The following GPM6B variants were observed in gnomAD, a reference collection of about 807,000 sequenced individuals.
The protein encoded by GPM6B is glycoprotein M6B.
GPM6B carries 4 observed loss-of-function variants against 27.2 expected under a neutral mutation model. The observed-to-expected ratio is 0.15, with a 90% CI of 0.07 to 0.34. The LOEUF (loss-of-function observed/expected upper bound fraction) is 0.34, where lower values mean the gene tolerates loss of function less well. Among genes scored for constraint, GPM6B ranks in the 10% least tolerant of loss-of-function variants. The pLI, the probability that GPM6B is intolerant of heterozygous loss-of-function variation, is 1.00. For synonymous variants in GPM6B, 124 were observed against 103.1 expected, an observed-to-expected ratio of 1.20 and a Z score of -1.23; for missense variants, 183 against 261.9, an observed-to-expected ratio of 0.70 and a Z score of 2.08.
intron 1 of GPM6B, among the ~76,000 whole-genome samples, chrX:13,916,318 A>C (rs967890117): frequency 8.9e-6 from 1 of 112,222 alleles, no homozygotes; most frequent in African/African-American, 3.2e-5. Context: ...ATGGATATCT[A>C]AACAGAAAGA....
chrX:13,865,138 A>C (rs1378686156), intron 1 of GPM6B, among the ~76,000 whole-genome samples: 2 of 111,343 alleles, frequency 1.8e-5, no homozygotes, highest in East Asian at 5.6e-4. Flanking sequence ...TGTATGTGAT[A>C]AATGTGGCAA....
chrX:13,811,273 CTTGT>C (rs1206445624), intron 1 of GPM6B, among the ~76,000 whole-genome samples: 3 of 112,081 alleles, frequency 2.7e-5, no homozygotes, highest in African/African-American at 6.5e-5. Context: ...AAAACAATGC[CTTGT>C]TTATTTTTCC....
At position 13,823,985 on chromosome X, in the gene GPM6B, C is replaced by T. The variant is rs181109855; in HGVS notation, c.-197-38177G>A. On this transcript the variant is annotated intron_variant, in intron 1 of 6. Transcript: ENST00000398361. ...CGGCATGAGGGGGCATGTGCCTCCT[C>T]AGCACTGGTGTCTACTGCATCTGTC... 2.7e-5 allele frequency among the ~76,000 whole-genome samples: 3 copies of T among 112,509 alleles called. No homozygotes were observed. In the East Asian group the frequency reaches 8.4e-4, roughly 32 times the overall value.
At position 13,873,565 on chromosome X, in the gene GPM6B, T is replaced by C. The variant is rs765408658; in HGVS notation, c.-198+64762A>G. 3.6e-5 allele frequency among the ~76,000 whole-genome samples: 4 copies of C among 112,253 alleles called. No homozygotes were observed. In the South Asian group the frequency reaches 1.1e-3, roughly 32 times the overall value. On this transcript the variant is annotated intron_variant, in intron 1 of 6. Coordinates refer to the GPM6B transcript ENST00000398361. ...CCTTAAAATGGTTCATTTTATGCTA[T>C]GCAAATTTAATCTCAATTTTAAAAG...
rs755609171 is a variant in GPM6B at position 13,845,733 on chromosome X, G to A, written c.-197-59925C>T. Among the ~76,000 whole-genome samples, 6 of 111,117 alleles carry A rather than the reference G, an allele frequency of 5.4e-5. No homozygotes were observed. The East Asian group carries it at 8.4e-4, about 16-fold the overall frequency. On this transcript the variant is annotated intron_variant, in intron 1 of 6. Transcript: ENST00000398361. ...TCAGTGGTTTGTTTCAATCTTTAGC[G>A]TTCCACCACTTCTATGGGATGCTTT...
chrX:13,874,503 G>C (rs1215269406), intron 1 of GPM6B, among the ~76,000 whole-genome samples: 1 of 101,758 alleles, frequency 9.8e-6, no homozygotes, highest in Non-Finnish European at 2.0e-5. Context: ...TTCAAGACCA[G>C]CCTGGCCAAC....
At position 13,774,753 on chromosome X, in the gene GPM6B, C is replaced by A. The variant is rs983020974; in HGVS notation, c.837+1485G>T. The A allele has an allele frequency of 2.5e-5, 12 of 479,531 alleles. No individual in the cohort carries two copies. In the African/African-American group the frequency reaches 2.6e-4, roughly 11 times the overall value. 39.5% of individuals were successfully genotyped at this position (479,531 alleles called of 1,213,427 possible). A position where few individuals can be genotyped will look rare whatever the true frequency, so the allele number is the denominator to read the frequency against. ...GGTGTTTTTTTCCCACTTAAAATCA[C>A]AACAGACAATTTTCCTATCTAGCAC... On this transcript the variant is annotated intron_variant, in intron 7 of 7. Transcript: ENST00000316715.
intron 1 of GPM6B, among the ~76,000 whole-genome samples, chrX:13,850,507 A>AT (rs2049702458): frequency 8.9e-6 from 1 of 112,625 alleles, no homozygotes; most frequent in Admixed American, 9.4e-5. Flanking sequence ...ACTAGGACAA[A>AT]TACTTTGAAC....
chrX:13,846,223 T>C (rs1407079531), intron 1 of GPM6B, among the ~76,000 whole-genome samples: 1 of 110,621 alleles, frequency 9.0e-6, no homozygotes, highest in Non-Finnish European at 1.9e-5. Context: ...CACCTACTCA[T>C]GCATCCATCC....
intron 1 of GPM6B, among the ~76,000 whole-genome samples, chrX:13,872,667 GA>G (rs35999855): frequency 4.6e-4 from 46 of 99,776 alleles, no homozygotes; most frequent in African/African-American, 6.6e-4. Context: ...TATAGAGTAA[GA>G]AAAAAAAAAA....
chrX:13,915,974 C>A (rs1390942081), intron 1 of GPM6B, among the ~76,000 whole-genome samples: 1 of 111,899 alleles, frequency 8.9e-6, no homozygotes. Context: ...GCATTTGGAA[C>A]ATATCTAATA....
At chrX:13,796,373 G>A (rs2048816425) in intron 2 of GPM6B, among the ~76,000 whole-genome samples, 1 of 112,342 alleles carries the variant, frequency 8.9e-6, no homozygotes, top group Non-Finnish European at 1.9e-5. Context: ...CCAGCCCTCA[G>A]TTCTAGCTTC....
At chrX:13,916,871 C>T (rs887544035) in intron 1 of GPM6B, among the ~76,000 whole-genome samples, 1 of 111,030 alleles carries the variant, frequency 9.0e-6, no homozygotes, top group African/African-American at 3.3e-5. Flanking sequence ...GCTTAATATG[C>T]CCCATATCAC....
chrX:13,892,430 CT>C (rs1423093763), intron 1 of GPM6B, among the ~76,000 whole-genome samples: 3 of 112,088 alleles, frequency 2.7e-5, no homozygotes, highest in African/African-American at 9.7e-5. Context: ...GCCACAATTA[CT>C]TTTGCACCAA....
At chrX:13,895,602 G>A (rs2147035579) in intron 1 of GPM6B, among the ~76,000 whole-genome samples, 1 of 111,825 alleles carries the variant, frequency 8.9e-6, no homozygotes, top group African/African-American at 3.2e-5. Flanking sequence ...CAACAGTAAA[G>A]TATGTTTGAA....
chrX:13,935,566 C>T (rs372966219), intron 1 of GPM6B, among the ~76,000 whole-genome samples: 6 of 111,602 alleles, frequency 5.4e-5, no homozygotes, highest in Admixed American at 2.8e-4. Context: ...AAACAAAATC[C>T]GCATTTCTCT....
At chrX:13,782,579 C>T (rs1467424242) in intron 4 of GPM6B, among the ~76,000 whole-genome samples, 2 of 108,805 alleles carry the variant, frequency 1.8e-5, no homozygotes, top group African/African-American at 6.7e-5. Context: ...TTTCCCTCTG[C>T]TTTCCACAGG....
intron 1 of GPM6B, among the ~76,000 whole-genome samples, chrX:13,922,272 C>T (rs1348387696): frequency 9.0e-6 from 1 of 111,375 alleles, no homozygotes; most frequent in Admixed American, 9.5e-5. Flanking sequence ...CTGGCCTCCA[C>T]CCACTAGATG....
At chrX:13,816,795 AC>A (rs777062032) in intron 1 of GPM6B, 48 bp downstream of exon 1, 1 of 1,187,096 alleles carries the variant, frequency 8.4e-7, no homozygotes, top group African/African-American at 1.8e-5. Flanking sequence ...CTTTTTAAGC[AC>A]CCCCCAGTGA....
Sources: allele counts gnomAD v4.1 joint callset (sites outside exome capture counted in the v4.1 genomes callset), GRCh38; gene constraint gnomAD v4.1.1; transcripts MANE v1.5; gene names NCBI Gene and HGNC (gene_info 2026-07-23, HGNC 2026-07-21).